The following TFAM variants were observed in gnomAD, a reference collection of about 807,000 sequenced individuals.
TFAM encodes the protein mitochondrial transcription factor 1.
Under a neutral mutation model 30.6 loss-of-function variants are expected in TFAM, and 13 were observed. The observed-to-expected ratio is 0.42, with a 90% confidence interval of 0.28 to 0.67. TFAM has a LOEUF of 0.67. Among genes scored for constraint, TFAM ranks in the 30% least tolerant of loss-of-function variants. TFAM has a pLI of 0.21. For missense variants in TFAM, 231 were observed against 293.7 expected, an observed-to-expected ratio of 0.79 and a Z score of 1.56; for synonymous variants, 106 against 94.8, an observed-to-expected ratio of 1.12 and a Z score of -0.69.
intron 4 of TFAM, among the ~76,000 whole-genome samples, chr10:58,389,919 A>G (rs1840560360): frequency 6.6e-6 from 1 of 152,228 alleles, no homozygotes; most frequent in Admixed American, 6.5e-5. Context: ...TGTGAGGACT[A>G]GGAAGTTACA....
chr10:58,394,665 C>CT, intron 6 of TFAM: 1 of 642,782 alleles, frequency 1.6e-6, no homozygotes, highest in South Asian at 1.8e-5. Flanking sequence ...CAGTGATACC[C>CT]TGCTGCTGCC....
At position 58,398,701 on chromosome 10, in the gene TFAM, C is replaced by T. The variant is rs997499697; in HGVS notation, c.*3627C>T. On this transcript the variant is annotated 3_prime_UTR_variant, in exon 7 of 7. Transcript: ENST00000487519. ...GTTTTCTGTATCTAAAATTTATCAC[C>T]ACCAGGTTGTGCTAAAACAGCAGGA... 6.6e-6 allele frequency: 1 copy of T among 152,050 alleles called. No homozygotes were observed. Among genetic ancestry groups the T allele is most frequent in the African/African-American group, 2.4e-5 (1 of 41,402 alleles). The allele number at this position is 152,050 out of a possible 1,614,324, so 9.4% of individuals were successfully genotyped here. A position where few individuals can be genotyped will look rare whatever the true frequency, so the allele number is the denominator to read the frequency against.
intron 5 of TFAM, among the ~76,000 whole-genome samples, chr10:58,393,075 G>A (rs1840625165): frequency 1.3e-5 from 2 of 152,056 alleles, no homozygotes; most frequent in Non-Finnish European, 2.9e-5. Context: ...CGCCTCCCGG[G>A]TTCAAGCGAT....
chr10:58,385,988 G>T (rs1319641236), intron 1 of TFAM, among the ~76,000 whole-genome samples: 1 of 152,160 alleles, frequency 6.6e-6, no homozygotes, highest in Non-Finnish European at 1.5e-5. Context: ...GAGTATAGAC[G>T]CTTTCCTTCA....
At chr10:58,386,689 GCAA>G in intron 2 of TFAM, 2 of 1,132,898 alleles carry the variant, frequency 1.8e-6, no homozygotes. Context: ...TAATAAAGTT[GCAA>G]CTTCTGTGGA....
In TFAM at chr10:58,395,694, G is replaced by T; in HGVS notation, c.*620G>T. ...CAAAGAAATTATGTGCCAGATTTAT[G>T]CATATTATTTTATGTTGCATAGAAT... On this transcript the variant is annotated 3_prime_UTR_variant, in exon 7 of 7. Coordinates refer to ENST00000487519, the MANE Select transcript of TFAM (RefSeq NM_003201.3). The T allele has an allele frequency of 3.4e-6, 1 of 297,956 alleles. No individual in the cohort carries two copies. The highest frequency in any genetic ancestry group is 6.1e-6 in the Non-Finnish European group (1 of 163,358). The allele number at this position is 297,956 out of a possible 1,614,324, so 18.5% of individuals were successfully genotyped here. A position where few individuals can be genotyped will look rare whatever the true frequency, so the allele number is the denominator to read the frequency against.
chr10:58,385,461 C>G lies in TFAM; in HGVS notation c.-87C>G. The G allele has an allele frequency of 3.0e-6, 3 of 1,004,702 alleles. No individual in the cohort carries two copies. Among genetic ancestry groups the G allele is most frequent in the South Asian group, 1.4e-5 (1 of 73,276 alleles). 62.2% of individuals were successfully genotyped at this position (1,004,702 alleles called of 1,614,324 possible). A position where few individuals can be genotyped will look rare whatever the true frequency, so the allele number is the denominator to read the frequency against. Reference sequence around the variant, plus strand: ...ATAACACACGCCGGAGGGTCGCACGCGGGTTCCAGTTGTGATTGCTGGAGT... The same window carrying G: ...ATAACACACGCCGGAGGGTCGCACGGGGGTTCCAGTTGTGATTGCTGGAGT... On this transcript the variant is annotated 5_prime_UTR_variant, in exon 1 of 7. Transcript: ENST00000487519.
At position 58,395,095 on chromosome 10, in the gene TFAM, T is replaced by A; in HGVS notation, c.*21T>A. 2 of 1,612,198 alleles carry A rather than the reference T, an allele frequency of 1.2e-6. No homozygotes were observed. The highest frequency in any genetic ancestry group is 1.7e-6 in the Non-Finnish European group (2 of 1,178,682). Reference sequence around the variant, plus strand: ...GTTAAAAGTAGAAGATTGAGATGTGTTCACAATGGATAGGCACAGGAAACC... The same window carrying A: ...GTTAAAAGTAGAAGATTGAGATGTGATCACAATGGATAGGCACAGGAAACC... On this transcript the variant is annotated 3_prime_UTR_variant, in exon 7 of 7. Coordinates refer to ENST00000487519, the MANE Select transcript of TFAM (RefSeq NM_003201.3).
chr10:58,391,418 A>T (rs1840596284), intron 5 of TFAM, among the ~76,000 whole-genome samples: 1 of 152,208 alleles, frequency 6.6e-6, no homozygotes, highest in South Asian at 2.1e-4. Flanking sequence ...GTATCATATG[A>T]CATAGTAAGA....
chr10:58,385,639 C>T lies in TFAM; in HGVS notation c.92C>T (p.Ser31Phe), dbSNP rs893095238. 8 of 1,556,482 alleles carry T rather than the reference C, an allele frequency of 5.1e-6. No individual in the cohort carries two copies. Among genetic ancestry groups the T allele is most frequent in the East Asian group, 2.4e-5 (1 of 41,326 alleles). The change falls in exon 1 of 7, where the codon TCC becomes TTC. Residue 31 changes from serine (S) to phenylalanine (F), a missense_variant. Ser to Phe is a radical substitution (Grantham distance 155, BLOSUM62 -2). Transcript: ENST00000487519. ...LCTGCGSRLR[S>F]PFSFVYLPRW... ...ACCGGCTGTGGAAGTCGACTGCGCT[C>T]CCCCTTCAGGTAGGCCCGCTTGCCT...
At chr10:58,386,742 C>A in intron 2 of TFAM, 1 of 1,029,052 alleles carries the variant, frequency 9.7e-7, no homozygotes, top group Non-Finnish European at 1.2e-6. Context: ...CTGTAAAGTT[C>A]TATGCAATTT....
intron 1 of TFAM, among the ~76,000 whole-genome samples, chr10:58,385,863 C>G (rs576309905): frequency 6.6e-6 from 1 of 152,186 alleles, no homozygotes; most frequent in Admixed American, 6.5e-5. Context: ...ACCCTCCACT[C>G]GCTTCTCCCA....
rs1840489634 is a variant in TFAM at position 58,386,302 on chromosome 10, A to G, written c.184A>G (p.Lys62Glu). 6.2e-7 allele frequency: 1 copy of G among 1,613,868 alleles called. No homozygotes were observed. Among genetic ancestry groups the G allele is most frequent in the Non-Finnish European group, 8.5e-7 (1 of 1,179,890 alleles). The part of the protein sequence containing the change: ...KPVSSYLRFS[K>E]EQLPIFKAQN... ...TGTAAGTTCTTACCTTCGATTTTCT[A>G]AAGAACAACTACCCATATTTAAAGC... The change falls in exon 2 of 7, where the codon AAA becomes GAA. Residue 62 changes from lysine (K) to glutamate (E), a missense_variant. Transcript: ENST00000487519.
In TFAM at chr10:58,385,455, C is replaced by G. The variant is rs1840464318; in HGVS notation, c.-93C>G. 1.1e-6 allele frequency: 1 copy of G among 940,748 alleles called. No homozygotes were observed. The highest frequency in any genetic ancestry group is 1.7e-6 in the Non-Finnish European group (1 of 596,916). 58.3% of individuals were successfully genotyped at this position (940,748 alleles called of 1,614,324 possible). A position where few individuals can be genotyped will look rare whatever the true frequency, so the allele number is the denominator to read the frequency against. ...GGCATGATAACACACGCCGGAGGGTCGCACGCGGGTTCCAGTTGTGATTGC... is the reference window on the plus strand; with the variant it reads ...GGCATGATAACACACGCCGGAGGGTGGCACGCGGGTTCCAGTTGTGATTGC... On this transcript the variant is annotated 5_prime_UTR_variant, in exon 1 of 7. Transcript: ENST00000487519.
chr10:58,393,146 A>G (rs1166603002), intron 5 of TFAM, among the ~76,000 whole-genome samples: 1 of 150,300 alleles, frequency 6.7e-6, no homozygotes, highest in Non-Finnish European at 1.5e-5. Context: ...CACCTGGCTA[A>G]TTTTTTATAT....
chr10:58,386,500 GC>G, intron 2 of TFAM, 162 bp downstream of exon 2: 1 of 732,714 alleles, frequency 1.4e-6, no homozygotes, highest in Non-Finnish European at 2.2e-6. Flanking sequence ...AAATGGAAAT[GC>G]TTTAAATATA....
Position 58,395,360 on chromosome 10 carries a change from G to GT in TFAM, c.*294dup. On this transcript the variant is annotated 3_prime_UTR_variant, in exon 7 of 7. Coordinates refer to ENST00000487519, the MANE Select transcript of TFAM (RefSeq NM_003201.3). ...TGACAAAGGTAAATCAGACTATGAA[G>GT]TTTTTTTTATACAGGATGATGACTA... The GT allele has an allele frequency of 4.4e-5, 17 of 388,784 alleles. No individual in the cohort carries two copies. Among genetic ancestry groups the GT allele is most frequent in the Non-Finnish European group, 5.7e-5 (12 of 211,214 alleles). The allele number at this position is 388,784 out of a possible 1,614,324, so 24.1% of individuals were successfully genotyped here. A position where few individuals can be genotyped will look rare whatever the true frequency, so the allele number is the denominator to read the frequency against.
intron 4 of TFAM, among the ~76,000 whole-genome samples, chr10:58,390,234 A>G: frequency 6.6e-6 from 1 of 152,196 alleles, no homozygotes; most frequent in South Asian, 2.1e-4. Flanking sequence ...CAGAAATTAA[A>G]CTGATAGTAA....
chr10:58,389,764 T>G (rs937733752), intron 4 of TFAM, among the ~76,000 whole-genome samples: 1 of 152,210 alleles, frequency 6.6e-6, no homozygotes, highest in African/African-American at 2.4e-5. Context: ...CCCTTCCTCC[T>G]TAATGCACCC....
Sources: gnomAD v4.1 joint callset for allele counts (sites outside exome capture counted in the v4.1 genomes callset) on GRCh38, gnomAD v4.1.1 for gene constraint, MANE v1.5 for transcripts, NCBI Gene and HGNC (gene_info 2026-07-23, HGNC 2026-07-21) for gene names.